EAF2: variants seen among roughly 807,000 people sequenced by gnomAD.
EAF2 encodes ELL associated factor 2.
In EAF2, 29 loss-of-function variants were observed where a neutral mutation model predicts 29.4. That is an observed-to-expected ratio of 0.99 (90% CI 0.73 to 1.35). The LOEUF is 1.35. Ranked by LOEUF, EAF2 falls within the 40% of genes most tolerant of loss-of-function variation. The pLI, the probability that EAF2 is intolerant of heterozygous loss-of-function variation, is 0.00. For synonymous variants in EAF2, 103 were observed against 102.5 expected (o/e 1.00, Z -0.03); for missense variants, 292 against 312.0 (o/e 0.94, Z 0.48).
intron 4 of EAF2, among the ~76,000 whole-genome samples, chr3:121,866,437 C>T (rs1242201124): frequency 6.6e-6 from 1 of 151,942 alleles, no homozygotes; most frequent in African/African-American, 2.4e-5. Flanking sequence ...AGAAAATTAC[C>T]TGTCCTGGCT....
At chr3:121,865,265 A>G (rs73181838) in intron 4 of EAF2, among the ~76,000 whole-genome samples, 86 of 150,778 alleles carry the variant, frequency 5.7e-4, no homozygotes, top group Non-Finnish European at 1.0e-3. Flanking sequence ...GTAAAAATTA[A>G]AAGTTAAAAA....
chr3:121,837,176 T>G (rs922720156), intron 1 of EAF2, among the ~76,000 whole-genome samples: 1 of 152,166 alleles, frequency 6.6e-6, no homozygotes, highest in Non-Finnish European at 1.5e-5. Context: ...TTTCTTTTAT[T>G]GTTGTTGTTG....
At chr3:121,845,459 A>AAAAAAAAAAAAAAGAAAG (rs71133578) in intron 2 of EAF2, among the ~76,000 whole-genome samples, 3 of 96,608 alleles carry the variant, frequency 3.1e-5, no homozygotes, top group Non-Finnish European at 5.7e-5. Flanking sequence ...AAAAAAAAAA[A>AAAAAAAAAAAAAAGAAAG]AAAGAAAGAA....
intron 5 of EAF2, among the ~76,000 whole-genome samples, 163 bp from the exon 6 acceptor site, chr3:121,886,179 G>A (rs1024624141): frequency 1.3e-5 from 2 of 152,170 alleles, no homozygotes; most frequent in African/African-American, 4.8e-5. Flanking sequence ...TTTACACACA[G>A]TATTATTTGA....
At chr3:121,856,218 A>C (rs1309146837) in intron 3 of EAF2, among the ~76,000 whole-genome samples, 2 of 152,102 alleles carry the variant, frequency 1.3e-5, no homozygotes, top group Non-Finnish European at 2.9e-5. Flanking sequence ...AGAAATGATA[A>C]TCTTAGAACT....
At position 121,857,043 on chromosome 3, in the gene EAF2, A is replaced by T. The variant is rs774994026; in HGVS notation, c.371A>T (p.Lys124Ile). The T allele has an allele frequency of 6.2e-7, 1 of 1,613,836 alleles. No homozygotes were observed. The highest frequency in any genetic ancestry group is 1.1e-5 in the South Asian group (1 of 91,024). ...VEGSSKIQYR[K>I]EQQQQQMWNS... ...GGAAGCAGTAAAATTCAGTATCGTAAAGAACAACAGCAACAACAAATGTGG... is the reference window on the plus strand; with the variant it reads ...GGAAGCAGTAAAATTCAGTATCGTATAGAACAACAGCAACAACAAATGTGG... The change falls in exon 4 of 6, where the codon AAA (lysine) becomes ATA (isoleucine). Residue 124 changes from lysine to isoleucine, a missense_variant. Physicochemically the swap from Lys to Ile is moderately radical, Grantham distance 102. Transcript: ENST00000273668.
chr3:121,837,662 C>T (rs1029810649), intron 1 of EAF2: 1 of 152,094 alleles, frequency 6.6e-6, no homozygotes, highest in African/African-American at 2.4e-5. Context: ...ATAGTAGTCA[C>T]CATTAATGTT....
Position 121,872,669 on chromosome 3 carries a change from CT to C in EAF2, c.619del (p.Ser207LeufsTer13), listed in dbSNP as rs1559828616. The C allele has an allele frequency of 6.2e-7, 1 of 1,612,950 alleles. No homozygotes were observed. Among genetic ancestry groups the C allele is most frequent in the Non-Finnish European group, 8.5e-7 (1 of 1,179,214 alleles). ...GAAGATGAAGATTGCAAATCCTCTA[CT>C]TCTGATACAGGGAATTGTGTCTCAG... ...DSEDEDCKSS[T>X]SDTGNCVSGH... On this transcript the variant is annotated frameshift_variant, in exon 5 of 6. Coordinates refer to ENST00000273668, the MANE Select transcript of EAF2 (RefSeq NM_018456.6). LOFTEE classifies it high-confidence loss of function.
intron 2 of EAF2, among the ~76,000 whole-genome samples, chr3:121,851,262 C>G (rs1281187436): frequency 6.6e-6 from 1 of 151,980 alleles, no homozygotes; most frequent in Non-Finnish European, 1.5e-5. Flanking sequence ...ACTGCAGCCT[C>G]CAACTCCTGG....
chr3:121,880,335 G>A (rs889907749), intron 5 of EAF2, among the ~76,000 whole-genome samples: 1 of 150,596 alleles, frequency 6.6e-6, no homozygotes, highest in Admixed American at 6.6e-5. Flanking sequence ...TAGAGACTGG[G>A]TCTCACTGTG....
intron 5 of EAF2, chr3:121,873,104 TC>T: frequency 1.5e-6 from 1 of 677,458 alleles, no homozygotes; most frequent in Non-Finnish European, 2.6e-6. Flanking sequence ...CTACAATTTC[TC>T]CCTAAATAAC....
intron 4 of EAF2, among the ~76,000 whole-genome samples, chr3:121,857,817 C>T (rs1248075108): frequency 6.6e-6 from 1 of 152,102 alleles, no homozygotes; most frequent in Non-Finnish European, 1.5e-5. Context: ...TGCTATCCCT[C>T]CCCTCTCCCC....
At chr3:121,838,007 A>T (rs1328481684) in intron 1 of EAF2, among the ~76,000 whole-genome samples, 1 of 152,188 alleles carries the variant, frequency 6.6e-6, no homozygotes, top group Non-Finnish European at 1.5e-5. Flanking sequence ...TGATGAGCTA[A>T]TGAGCAGTGT....
At chr3:121,877,213 G>C (rs1709114770) in intron 5 of EAF2, among the ~76,000 whole-genome samples, 1 of 151,968 alleles carries the variant, frequency 6.6e-6, no homozygotes, top group Non-Finnish European at 1.5e-5. Flanking sequence ...GTATGTGTGT[G>C]TGTGCGTGTG....
chr3:121,862,040 G>A (rs1045842981), intron 4 of EAF2, among the ~76,000 whole-genome samples: 1 of 152,204 alleles, frequency 6.6e-6, no homozygotes, highest in Non-Finnish European at 1.5e-5. Context: ...CGAGAGATCT[G>A]CTGTTAGTCT....
chr3:121,878,453 T>C (rs1709138644), intron 5 of EAF2, among the ~76,000 whole-genome samples: 1 of 152,160 alleles, frequency 6.6e-6, no homozygotes. Context: ...ATACAATAAA[T>C]TGTTGTTAAC....
intron 4 of EAF2, among the ~76,000 whole-genome samples, chr3:121,858,266 A>G (rs906637880): frequency 4.6e-5 from 7 of 152,350 alleles, no homozygotes; most frequent in African/African-American, 1.7e-4. Flanking sequence ...CAATGGTTGA[A>G]CTAATTTACA....
In EAF2 at chr3:121,837,492, A is replaced by G. The variant is rs560432063; in HGVS notation, c.106+2101A>G. The G allele has an allele frequency of 3.3e-5, 5 of 152,270 alleles. No individual in the cohort carries two copies. In the South Asian group the frequency reaches 1.0e-3, roughly 32 times the overall value. The allele number at this position is 152,270 out of a possible 1,614,324, so 9.4% of individuals were successfully genotyped here. ...ATGTGAATCCTGGTCTCCACCACCT[A>G]TATATATAATGTGACTTTGGGAACA... On this transcript the variant is annotated intron_variant, in intron 1 of 5. Transcript: ENST00000273668.
intron 1 of EAF2, chr3:121,836,631 A>G: frequency 1.0e-6 from 1 of 987,626 alleles, no homozygotes; most frequent in Non-Finnish European, 1.2e-6. Context: ...TTTATCATAT[A>G]CTTTCTCATC....
Sources: allele counts gnomAD v4.1 joint callset (sites outside exome capture counted in the v4.1 genomes callset), GRCh38; gene constraint gnomAD v4.1.1; transcripts MANE v1.5; gene names NCBI Gene and HGNC (gene_info 2026-07-23, HGNC 2026-07-21).